The following DLC1 variants were observed in gnomAD, a reference collection of about 807,000 sequenced individuals.
DLC1 encodes the protein DLC1 Rho GTPase activating protein.
DLC1 carries 54 observed loss-of-function variants against 140.3 expected under a neutral mutation model. That is an observed-to-expected ratio of 0.38 (90% confidence interval 0.31 to 0.48). The LOEUF (loss-of-function observed/expected upper bound fraction) is 0.48, where lower values mean the gene tolerates loss of function less well. Ranked by LOEUF, DLC1 falls within the 20% of genes least tolerant of loss-of-function variation. DLC1 has a pLI of 0.96. For missense variants in DLC1, 2,536 were observed against 1,907.0 expected (o/e 1.33, Z -6.14); for synonymous variants, 986 against 728.1 (o/e 1.35, Z -5.70).
chr8:13,366,327 C>G (rs73205718), intron 4 of DLC1, among the ~76,000 whole-genome samples: 1 of 151,794 alleles, frequency 6.6e-6, no homozygotes, highest in Admixed American at 6.6e-5. Context: ...CACTACATGC[C>G]TGGCGCTGTC....
At chr8:13,283,640 G>T (rs916195378) in intron 5 of DLC1, among the ~76,000 whole-genome samples, 2 of 152,132 alleles carry the variant, frequency 1.3e-5, no homozygotes, top group Non-Finnish European at 2.9e-5. Flanking sequence ...GCAGCCTCCT[G>T]AGTAGCCTGG....
Position 13,500,043 on chromosome 8 carries a change from C to G in DLC1, c.29G>C (p.Trp10Ser). The G allele has an allele frequency of 6.2e-7, 1 of 1,613,912 alleles. No homozygotes were observed. Among genetic ancestry groups the G allele is most frequent in the Non-Finnish European group, 8.5e-7 (1 of 1,179,876 alleles). Reference sequence around the variant, plus strand: ...CATCCAGTGGGTCACATGTTCTTCCCAGCTTCTCTTTCTGATAGCTACAGA... The same window carrying G: ...CATCCAGTGGGTCACATGTTCTTCCGAGCTTCTCTTTCTGATAGCTACAGA... MSVAIRKRSWEEHVTHWMGQ... is the reference protein window; with the variant it reads MSVAIRKRSSEEHVTHWMGQ... The change falls in exon 2 of 18, where the codon TGG becomes TCG. Residue 10 changes from tryptophan to serine, a missense_variant. By Grantham distance (177) the Trp-to-Ser change is radical. Coordinates refer to ENST00000276297, the MANE Select transcript of DLC1 (RefSeq NM_182643.3).
intron 10 of DLC1, among the ~76,000 whole-genome samples, chr8:13,096,805 G>C (rs981559851): frequency 1.3e-5 from 2 of 152,174 alleles, no homozygotes; most frequent in Non-Finnish European, 2.9e-5. Context: ...ACTTGGGTTT[G>C]CTACAGAGTG....
intron 1 of DLC1, chr8:13,568,126 T>G: frequency 1.4e-6 from 1 of 713,002 alleles, no homozygotes; most frequent in Non-Finnish European, 2.2e-6. Context: ...TATAAAAACT[T>G]TTACAAAATT....
At chr8:13,512,799 T>C (rs1406148019) in intron 1 of DLC1, among the ~76,000 whole-genome samples, 1 of 152,118 alleles carries the variant, frequency 6.6e-6, no homozygotes, top group Non-Finnish European at 1.5e-5. Flanking sequence ...AAAATTAATA[T>C]AATTATTAGC....
At chr8:13,191,401 G>A (rs1826745690) in intron 5 of DLC1, among the ~76,000 whole-genome samples, 1 of 152,186 alleles carries the variant, frequency 6.6e-6, no homozygotes, top group South Asian at 2.1e-4. Context: ...TAGCTACTTG[G>A]GAGGCTGAGG....
intron 5 of DLC1, among the ~76,000 whole-genome samples, chr8:13,294,093 T>G (rs370388059): frequency 2.0e-5 from 3 of 152,176 alleles, no homozygotes; most frequent in African/African-American, 7.2e-5. Flanking sequence ...GAAAACCCCC[T>G]GTGCTCTGCC....
chr8:13,556,149 T>C (rs1804037616), intron 1 of DLC1, among the ~76,000 whole-genome samples: 1 of 152,174 alleles, frequency 6.6e-6, no homozygotes, highest in Non-Finnish European at 1.5e-5. Flanking sequence ...GGATTGATTA[T>C]CAGAATGTAT....
intron 2 of DLC1, among the ~76,000 whole-genome samples, chr8:13,480,733 A>G (rs141480801): frequency 4.3e-4 from 66 of 152,238 alleles, no homozygotes; most frequent in African/African-American, 1.2e-3. Context: ...GTGAAACCCA[A>G]TTTCTACTAA....
intron 5 of DLC1, among the ~76,000 whole-genome samples, chr8:13,215,848 G>C (rs1291502046): frequency 6.6e-6 from 1 of 152,106 alleles, no homozygotes; most frequent in African/African-American, 2.4e-5. Flanking sequence ...CAAGCCCGTG[G>C]AGTAATCTAC....
intron 2 of DLC1, among the ~76,000 whole-genome samples, chr8:13,407,555 G>A (rs542779988): frequency 2.0e-4 from 31 of 152,312 alleles, no homozygotes; most frequent in African/African-American, 7.5e-4. Context: ...ATTTGGAAGA[G>A]AACCAAAAAG....
intron 1 of DLC1, chr8:13,567,471 G>T: frequency 6.4e-7 from 1 of 1,552,088 alleles, no homozygotes; most frequent in South Asian, 1.2e-5. Flanking sequence ...AGGCTTCAGA[G>T]AGAGATGCCT....
intron 5 of DLC1, among the ~76,000 whole-genome samples, chr8:13,251,270 C>T (rs112662819): frequency 7.2e-5 from 11 of 152,136 alleles, no homozygotes; most frequent in Non-Finnish European, 1.5e-4. Flanking sequence ...ACAGTAACAT[C>T]GGGGTTAGAG....
chr8:13,592,275 A>AT lies in DLC1; in HGVS notation c.-126+12261dup, dbSNP rs1334141784. Among the ~76,000 whole-genome samples, 12 of 152,156 alleles carry AT rather than the reference A, an allele frequency of 7.9e-5. No individual in the cohort carries two copies. In the East Asian group the frequency reaches 1.4e-3, roughly 17 times the overall value. On this transcript the variant is annotated intron_variant, in intron 1 of 1. Transcript: ENST00000631382. ...CTTACATTTTCTAGTGAGATATTGG[A>AT]TTTTTTATTGAACTATAAGATCTTA... is the stretch of plus-strand genomic sequence containing the variant.
At chr8:13,145,930 G>A (rs1563683124) in intron 5 of DLC1, among the ~76,000 whole-genome samples, 2 of 152,088 alleles carry the variant, frequency 1.3e-5, no homozygotes, top group African/African-American at 2.4e-5. Context: ...ATTGCGTGGT[G>A]GGTTAATGGT....
In DLC1 at chr8:13,460,207, C is replaced by T. The variant is rs147383859; in HGVS notation, c.1023+38842G>A. Among the ~76,000 whole-genome samples, 55 of 152,298 alleles carry T rather than the reference C, an allele frequency of 3.6e-4. 1 individual carries two copies. Among genetic ancestry groups the T allele is most frequent in the African/African-American group, 1.3e-3 (53 of 41,560 alleles). On this transcript the variant is annotated intron_variant, in intron 2 of 17. Transcript: ENST00000276297. The stretch of plus-strand genomic sequence containing the variant: ...ATCATTTGGGGGATTCTAAAATACA[C>T]TGCTTGTCCTCATTGGAAAAGGCCC...
At chr8:13,331,950 G>C (rs993263402) in intron 4 of DLC1, among the ~76,000 whole-genome samples, 1 of 152,116 alleles carries the variant, frequency 6.6e-6, no homozygotes, top group Non-Finnish European at 1.5e-5. Flanking sequence ...AATGTGACCA[G>C]GGGACAATGT....
At position 13,295,082 on chromosome 8, in the gene DLC1, G is replaced by A. The variant is rs372467914; in HGVS notation, c.1348+10187C>T. Among the ~76,000 whole-genome samples, 10 of 152,292 alleles carry A rather than the reference G, an allele frequency of 6.6e-5. 1 individual carries two copies. In the South Asian group the frequency reaches 2.1e-3, roughly 32 times the overall value. On this transcript the variant is annotated intron_variant, in intron 5 of 17. Coordinates refer to ENST00000276297, the MANE Select transcript of DLC1 (RefSeq NM_182643.3). ...CTGCCTTTTAGGAAACCACAGCTCA[G>A]TGGGGAAAATTTTGAGATAAATATA...
intron 4 of DLC1, among the ~76,000 whole-genome samples, chr8:13,382,496 A>G (rs1586244467): frequency 1.0e-5 from 1 of 98,838 alleles, no homozygotes; most frequent in Admixed American, 1.5e-4. Context: ...CGACAGCGAG[A>G]CTCCGTCTCA....
Sources: gnomAD v4.1 joint callset for allele counts (sites outside exome capture counted in the v4.1 genomes callset) on GRCh38, gnomAD v4.1.1 for gene constraint, MANE v1.5 for transcripts, NCBI Gene and HGNC (gene_info 2026-07-23, HGNC 2026-07-21) for gene names.